GBE1: variants seen among roughly 807,000 people sequenced by gnomAD.
GBE1 encodes 1,4-alpha-glucan branching enzyme 1.
In GBE1, 70 loss-of-function variants were observed where a neutral mutation model predicts 88.8. That is an observed-to-expected ratio of 0.79 (90% CI 0.65 to 0.96). GBE1 has a LOEUF of 0.96. GBE1 is among the 40% of genes least tolerant of loss of function. The pLI is 0.00. For synonymous variants in GBE1, 284 were observed against 300.1 expected (o/e 0.95, Z 0.56); for missense variants, 872 against 871.0 (o/e 1.00, Z -0.01).
intron 10 of GBE1, among the ~76,000 whole-genome samples, chr3:81,583,678 A>G (rs1337213998): frequency 1.3e-5 from 2 of 152,180 alleles, no homozygotes; most frequent in African/African-American, 4.8e-5. Context: ...CATTTATATA[A>G]TATTTTTGAA....
chr3:81,590,751 T>C (rs1703865960), intron 9 of GBE1, among the ~76,000 whole-genome samples: 1 of 152,152 alleles, frequency 6.6e-6, no homozygotes, highest in Non-Finnish European at 1.5e-5. Context: ...GAAGGTCTCA[T>C]AGCGAAGGGC....
At chr3:81,540,315 T>C (rs554244455) in intron 12 of GBE1, among the ~76,000 whole-genome samples, 5 of 152,144 alleles carry the variant, frequency 3.3e-5, no homozygotes, top group Admixed American at 3.3e-4. Context: ...GAGTGATTAG[T>C]AGGCTGGAAT....
intron 14 of GBE1, among the ~76,000 whole-genome samples, chr3:81,507,589 G>A (rs1055272244): frequency 4.0e-5 from 6 of 151,236 alleles, no homozygotes; most frequent in Admixed American, 3.3e-4. Context: ...AAAAAACAGA[G>A]AACTTACTAG....
At chr3:81,685,113 A>G (rs1705414135) in intron 2 of GBE1, among the ~76,000 whole-genome samples, 1 of 152,200 alleles carries the variant, frequency 6.6e-6, no homozygotes, top group African/African-American at 2.4e-5. Flanking sequence ...AAAATCATGC[A>G]TTGTACCAAG....
chr3:81,672,236 AC>A, intron 2 of GBE1, among the ~76,000 whole-genome samples: 1 of 152,136 alleles, frequency 6.6e-6, no homozygotes, highest in South Asian at 2.1e-4. Context: ...AGATATCTTA[AC>A]CCCACAGCCC....
chr3:81,643,923 C>T (rs201189377), intron 6 of GBE1, among the ~76,000 whole-genome samples: 2 of 152,276 alleles, frequency 1.3e-5, no homozygotes, highest in East Asian at 3.9e-4. Flanking sequence ...CCTACTGCAC[C>T]ATCTACTGGC....
At chr3:81,600,713 TG>T (rs2106968557) in intron 7 of GBE1, among the ~76,000 whole-genome samples, 1 of 152,242 alleles carries the variant, frequency 6.6e-6, no homozygotes, top group African/African-American at 2.4e-5. Flanking sequence ...ACTACTATAA[TG>T]TATATAAAGA....
Position 81,627,746 on chromosome 3 carries a change from C to CAT in GBE1, c.992+15033_992+15034dup, listed in dbSNP as rs59598450. ...TGTTATAAGAAAATTATATATTTTA[C>CAT]ATATATATATATATATATATAAAAA... On this transcript the variant is annotated intron_variant, in intron 7 of 15. Coordinates refer to ENST00000429644, the MANE Select transcript of GBE1 (RefSeq NM_000158.4). Among the ~76,000 whole-genome samples, 456 of 127,090 alleles carry CAT rather than the reference C, an allele frequency of 3.6e-3. 4 individuals are homozygous for CAT. Among genetic ancestry groups the CAT allele is most frequent in the East Asian group, 0.012 (22 of 1,866 alleles). The allele number at this position is 127,090 out of a possible 152,430, so 83.4% of individuals were successfully genotyped here.
intron 7 of GBE1, among the ~76,000 whole-genome samples, chr3:81,620,030 AATTT>A (rs1420235240): frequency 3.3e-5 from 5 of 152,036 alleles, no homozygotes; most frequent in Non-Finnish European, 4.4e-5. Context: ...TTTGCAAATT[AATTT>A]ATTTAAAAAT....
At chr3:81,603,701 G>A (rs896452088) in intron 7 of GBE1, among the ~76,000 whole-genome samples, 1 of 151,850 alleles carries the variant, frequency 6.6e-6, no homozygotes, top group Non-Finnish European at 1.5e-5. Context: ...TCACCATGTT[G>A]GCCAGGCTGG....
At chr3:81,604,058 C>A (rs1704068492) in intron 7 of GBE1, among the ~76,000 whole-genome samples, 1 of 152,058 alleles carries the variant, frequency 6.6e-6, no homozygotes, top group Non-Finnish European at 1.5e-5. Flanking sequence ...ACAAAATCTT[C>A]TTATTTTTTA....
chr3:81,750,863 T>C (rs958061575), intron 1 of GBE1, among the ~76,000 whole-genome samples: 3 of 150,642 alleles, frequency 2.0e-5, no homozygotes, highest in Non-Finnish European at 4.4e-5. Context: ...GTATTTTTAG[T>C]AGAGGCAGGT....
chr3:81,628,826 C>T (rs1016867692), intron 7 of GBE1, among the ~76,000 whole-genome samples: 5 of 135,244 alleles, frequency 3.7e-5, no homozygotes, highest in Admixed American at 7.8e-5. Context: ...ATCTTAATCC[C>T]AGGATAACTA....
At chr3:81,606,639 T>C (rs754603214) in intron 7 of GBE1, among the ~76,000 whole-genome samples, 8 of 152,222 alleles carry the variant, frequency 5.3e-5, no homozygotes, top group Non-Finnish European at 1.2e-4. Flanking sequence ...CATAGGTATT[T>C]CTTACCAGCT....
intron 2 of GBE1, among the ~76,000 whole-genome samples, chr3:81,705,222 T>G (rs1428824763): frequency 6.6e-6 from 1 of 152,070 alleles, no homozygotes; most frequent in African/African-American, 2.4e-5. Flanking sequence ...AGTACATGAT[T>G]TTACAGAACA....
chr3:81,669,753 C>T (rs1705163478), intron 3 of GBE1, among the ~76,000 whole-genome samples: 1 of 151,940 alleles, frequency 6.6e-6, no homozygotes, highest in African/African-American at 2.4e-5. Context: ...TTCTCTTTTT[C>T]ACTATAGATT....
At chr3:81,734,024 T>G (rs1489911926) in intron 1 of GBE1, among the ~76,000 whole-genome samples, 1 of 152,202 alleles carries the variant, frequency 6.6e-6, no homozygotes, top group Non-Finnish European at 1.5e-5. Flanking sequence ...AGATTTTATT[T>G]GATTAAGAGC....
chr3:81,759,840 G>C (rs900396367), intron 1 of GBE1, among the ~76,000 whole-genome samples: 15 of 151,652 alleles, frequency 9.9e-5, no homozygotes, highest in Non-Finnish European at 2.1e-4. Flanking sequence ...ATCTGTTTGT[G>C]TCATTTAAAA....
rs1439472280 is a variant in GBE1 at position 81,561,970 on chromosome 3, CT to C, written c.1618+15954del. Among the ~76,000 whole-genome samples the C allele has an allele frequency of 2.6e-5, 4 of 152,188 alleles. No individual in the cohort carries two copies. The East Asian group carries it at 7.7e-4, about 29-fold the overall frequency. On this transcript the variant is annotated intron_variant, in intron 12 of 15. Coordinates refer to ENST00000429644, the MANE Select transcript of GBE1 (RefSeq NM_000158.4). Reference sequence around the variant, plus strand: ...TCTTCATGGCCTGCAACTTCCTTGCCTAAATATTGGTTTCGTGATCTTTCTT... The same window carrying C: ...TCTTCATGGCCTGCAACTTCCTTGCCAAATATTGGTTTCGTGATCTTTCTT...
Sources: allele counts gnomAD v4.1 joint callset (sites outside exome capture counted in the v4.1 genomes callset), GRCh38; gene constraint gnomAD v4.1.1; transcripts MANE v1.5; gene names NCBI Gene and HGNC (gene_info 2026-07-23, HGNC 2026-07-21).